SLC1A1: variants seen among roughly 807,000 people sequenced by gnomAD.
SLC1A1 encodes solute carrier family 1 member 1.
A neutral mutation model predicts 53.3 loss-of-function variants in SLC1A1; 43 were observed. That is an observed-to-expected ratio of 0.81 (90% CI 0.63 to 1.04). The LOEUF is 1.04. SLC1A1 is among the 50% of genes least tolerant of loss of function. The pLI, the probability that SLC1A1 is intolerant of heterozygous loss-of-function variation, is 0.00. For synonymous variants in SLC1A1, 307 were observed against 243.2 expected (o/e 1.26, Z -2.44); for missense variants, 748 against 664.9 (o/e 1.12, Z -1.37).
intron 2 of SLC1A1, among the ~76,000 whole-genome samples, chr9:4,545,126 T>C (rs558262549): frequency 1.0e-3 from 152 of 151,950 alleles, no homozygotes; most frequent in Admixed American, 9.8e-4. Flanking sequence ...TCTATGATTA[T>C]TTAAAAAGCT....
intron 2 of SLC1A1, among the ~76,000 whole-genome samples, chr9:4,550,981 A>G (rs2130890167): frequency 6.6e-6 from 1 of 152,344 alleles, no homozygotes; most frequent in East Asian, 1.9e-4. Context: ...GAGGCCAGCC[A>G]GGAGCTGACC....
intron 6 of SLC1A1, among the ~76,000 whole-genome samples, 199 bp downstream of exon 6, chr9:4,567,966 A>G (rs1466288508): frequency 1.3e-5 from 2 of 152,274 alleles, no homozygotes; most frequent in East Asian, 3.9e-4. Flanking sequence ...GCGGCAAAAT[A>G]TTTGAGTCAC....
intron 1 of SLC1A1, among the ~76,000 whole-genome samples, chr9:4,525,832 AC>A (rs1816238823): frequency 6.6e-6 from 1 of 152,204 alleles, no homozygotes; most frequent in Non-Finnish European, 1.5e-5. Flanking sequence ...CCCTCCAAGG[AC>A]CCATAGATTT....
rs756486445 is a variant in SLC1A1, at chr9:4,564,352, C to T, written c.334C>T (p.Leu112=). The change falls in exon 4 of 12, where the codon CTG becomes TTG. Residue 112 remains leucine (L), a synonymous_variant. Transcript: ENST00000262352. ...TLIAVILGIV[L]VVSIKPGVTQ... ...GCTGTTCTTGGCCACAGGTATTGTG[C>T]TGGTGGTGAGCATCAAGCCTGGTGT... 3 of 1,612,084 alleles carry T rather than the reference C, an allele frequency of 1.9e-6. No homozygotes were observed. Among genetic ancestry groups the T allele is most frequent in the South Asian group, 2.2e-5 (2 of 90,812 alleles).
At chr9:4,498,580 T>A (rs1432712938) in intron 1 of SLC1A1, among the ~76,000 whole-genome samples, 1 of 152,108 alleles carries the variant, frequency 6.6e-6, no homozygotes, top group East Asian at 1.9e-4. Context: ...TGGGGACTTT[T>A]GCTTTCAATG....
chr9:4,518,188 T>C (rs572186629), intron 1 of SLC1A1, among the ~76,000 whole-genome samples: 1 of 116,680 alleles, frequency 8.6e-6, no homozygotes, highest in South Asian at 3.0e-4. Context: ...TGAGCCGAGA[T>C]CTCACCATTG....
chr9:4,519,176 G>C (rs768637076), intron 1 of SLC1A1, among the ~76,000 whole-genome samples: 1 of 152,216 alleles, frequency 6.6e-6, no homozygotes, highest in African/African-American at 2.4e-5. Context: ...CCTCCACTGG[G>C]AGTGTGTCTT....
At position 4,549,568 on chromosome 9, in the gene SLC1A1, A is replaced by C. The variant is rs903429119; in HGVS notation, c.232+4861A>C. 6.6e-6 allele frequency among the ~76,000 whole-genome samples: 1 copy of C among 152,138 alleles called. No individual in the cohort carries two copies. Among genetic ancestry groups the C allele is most frequent in the Non-Finnish European group, 1.5e-5 (1 of 68,012 alleles). On this transcript the variant is annotated intron_variant, in intron 2 of 11. Transcript: ENST00000262352. This position sits in a 1 kb window ranked among gnomAD's most constrained non-coding sequence, Gnocchi z 4.1. ...AGAGTTCATCTCTAAAGGTGTTCCAAGCTTTCCTGCACCCCAGATCCCAGA... is the reference window on the plus strand; with the variant it reads ...AGAGTTCATCTCTAAAGGTGTTCCACGCTTTCCTGCACCCCAGATCCCAGA...
intron 1 of SLC1A1, among the ~76,000 whole-genome samples, chr9:4,542,065 G>A (rs1817060448): frequency 6.6e-6 from 1 of 151,596 alleles, no homozygotes; most frequent in African/African-American, 2.4e-5. Context: ...TCATTCACTA[G>A]CCATTTCTTG....
intron 1 of SLC1A1, among the ~76,000 whole-genome samples, chr9:4,515,145 T>C (rs1363282645): frequency 1.3e-5 from 2 of 152,020 alleles, no homozygotes; most frequent in Non-Finnish European, 2.9e-5. Context: ...TCTTACATGA[T>C]GCTTCAGGGC....
intron 1 of SLC1A1, among the ~76,000 whole-genome samples, chr9:4,522,253 G>C (rs1024668477): frequency 3.3e-5 from 5 of 151,768 alleles, no homozygotes; most frequent in African/African-American, 1.2e-4. Flanking sequence ...GGGTTTCACT[G>C]AGTTAGCCAG....
At position 4,556,953 on chromosome 9, in the gene SLC1A1, A is replaced by C. The variant is rs1818455046; in HGVS notation, c.233-4496A>C. On this transcript the variant is annotated intron_variant, in intron 2 of 11. Coordinates refer to ENST00000262352, the MANE Select transcript of SLC1A1 (RefSeq NM_004170.6). This position sits in a 1 kb window ranked among gnomAD's most constrained non-coding sequence, Gnocchi z 4.1. Reference sequence around the variant, plus strand: ...CAACAATAAAACAAGGTTGAAAAAGACTGAGATGTTACATGTGTTCCCCTG... The same window carrying C: ...CAACAATAAAACAAGGTTGAAAAAGCCTGAGATGTTACATGTGTTCCCCTG... 1.3e-5 allele frequency among the ~76,000 whole-genome samples: 2 copies of C among 152,152 alleles called. No individual in the cohort carries two copies. The highest frequency in any genetic ancestry group is 1.3e-4 in the Admixed American group (2 of 15,278).
At chr9:4,491,028 A>G (rs1466823976) in intron 1 of SLC1A1, among the ~76,000 whole-genome samples, 1 of 152,122 alleles carries the variant, frequency 6.6e-6, no homozygotes, top group East Asian at 1.9e-4. Flanking sequence ...AAAATGATCA[A>G]AGGGGCTTGG....
At chr9:4,525,131 A>T (rs1465046254) in intron 1 of SLC1A1, among the ~76,000 whole-genome samples, 1 of 152,160 alleles carries the variant, frequency 6.6e-6, no homozygotes, top group Non-Finnish European at 1.5e-5. Flanking sequence ...GTCTAAACGA[A>T]ACCTTGACAT....
chr9:4,517,543 G>A (rs1188892732), intron 1 of SLC1A1, among the ~76,000 whole-genome samples: 1 of 152,180 alleles, frequency 6.6e-6, no homozygotes, highest in Non-Finnish European at 1.5e-5. Flanking sequence ...TGATTGCTGT[G>A]ATATTTGCTT....
intron 1 of SLC1A1, among the ~76,000 whole-genome samples, chr9:4,498,118 G>A (rs1820502308): frequency 6.6e-6 from 1 of 152,118 alleles, no homozygotes; most frequent in Non-Finnish European, 1.5e-5. Context: ...TTAGCTTTAT[G>A]ACTGTATATT....
Position 4,561,989 on chromosome 9 carries a change from C to T in SLC1A1, c.325+448C>T, listed in dbSNP as rs1818990799. ...CCCAGGCTGGTCTTGAACTCTTGGG[C>T]TCAAGGGATCTGCCTGCCTCAGCCT... On this transcript the variant is annotated intron_variant, in intron 3 of 11. Coordinates refer to ENST00000262352, the MANE Select transcript of SLC1A1 (RefSeq NM_004170.6). 2.6e-5 allele frequency among the ~76,000 whole-genome samples: 4 copies of T among 151,482 alleles called. No homozygotes were observed. The South Asian group carries it at 8.4e-4, about 32-fold the overall frequency.
chr9:4,498,481 G>C (rs1820519041), intron 1 of SLC1A1, among the ~76,000 whole-genome samples: 1 of 151,994 alleles, frequency 6.6e-6, no homozygotes, highest in South Asian at 2.1e-4. Flanking sequence ...GAATAGCCTA[G>C]TTCCTATATC....
intron 1 of SLC1A1, among the ~76,000 whole-genome samples, chr9:4,534,563 ATAAT>A (rs1021390555): frequency 2.4e-4 from 37 of 152,166 alleles, no homozygotes; most frequent in Non-Finnish European, 4.0e-4. Context: ...AATTGAGGCA[ATAAT>A]TAATAGCTTA....
Sources: allele counts gnomAD v4.1 joint callset (sites outside exome capture counted in the v4.1 genomes callset), GRCh38; gene constraint gnomAD v4.1.1; non-coding constraint Gnocchi (gnomAD v3.1); transcripts MANE v1.5; gene names NCBI Gene and HGNC (gene_info 2026-07-23, HGNC 2026-07-21).